Variants in SGCZ observed in about 807,000 individuals in gnomAD.
The protein encoded by SGCZ is sarcoglycan zeta, also known as zeta-sarcoglycan.
A neutral mutation model predicts 41.3 loss-of-function variants in SGCZ; 40 were observed. That is an observed-to-expected ratio of 0.97 (90% CI 0.75 to 1.26). SGCZ has a LOEUF of 1.26. Ranked by LOEUF, SGCZ falls within the 50% of genes most tolerant of loss-of-function variation. The pLI, the probability that SGCZ is intolerant of heterozygous loss-of-function variation, is 0.00. For synonymous variants in SGCZ, 206 were observed against 137.5 expected (o/e 1.50, Z -3.49); for missense variants, 552 against 369.8 (o/e 1.49, Z -4.04).
chr8:14,721,861 C>G (rs1809896961), intron 1 of SGCZ, among the ~76,000 whole-genome samples: 1 of 145,366 alleles, frequency 6.9e-6, no homozygotes, highest in African/African-American at 2.8e-5. Context: ...AACTCCTACT[C>G]TCTCTGTGCA....
chr8:14,664,918 T>A (rs866572971), intron 1 of SGCZ, among the ~76,000 whole-genome samples: 1 of 152,198 alleles, frequency 6.6e-6, no homozygotes, highest in African/African-American at 2.4e-5. Context: ...CCAGGTCACC[T>A]CATTTTAGAT....
At position 14,818,073 on chromosome 8, in the gene SGCZ, T is replaced by A. The variant is rs560354387; in HGVS notation, c.40-263147A>T. Among the ~76,000 whole-genome samples, 15 of 152,262 alleles carry A rather than the reference T, an allele frequency of 9.9e-5. No individual in the cohort carries two copies. The East Asian group carries it at 2.7e-3, about 28-fold the overall frequency. On this transcript the variant is annotated intron_variant, in intron 1 of 7. Coordinates refer to ENST00000382080, the MANE Select transcript of SGCZ (RefSeq NM_139167.4). ...GCCATGAAGCCATCCGGCCCTTCTGTGCCCAGCCCACCCACACTGGGCAGA... is the reference window on the plus strand; with the variant it reads ...GCCATGAAGCCATCCGGCCCTTCTGAGCCCAGCCCACCCACACTGGGCAGA...
chr8:14,922,322 T>C (rs1042315488), intron 1 of SGCZ, among the ~76,000 whole-genome samples: 1 of 152,194 alleles, frequency 6.6e-6, no homozygotes, highest in Non-Finnish European at 1.5e-5. Context: ...CTTTCAGTAA[T>C]ACTGCTTTCA....
At chr8:14,297,593 G>T (rs1025117175) in intron 3 of SGCZ, among the ~76,000 whole-genome samples, 7 of 151,814 alleles carry the variant, frequency 4.6e-5, no homozygotes, top group African/African-American at 1.7e-4. Context: ...GCACATTAAA[G>T]AAATAATAGG....
chr8:14,160,975 T>C (rs537022533), intron 5 of SGCZ, among the ~76,000 whole-genome samples: 349 of 152,346 alleles, frequency 2.3e-3, no homozygotes, highest in Non-Finnish European at 4.3e-3. Flanking sequence ...TCCATTTTAA[T>C]TCCTATAAAT....
At chr8:15,126,533 G>C (rs548301600) in intron 1 of SGCZ, among the ~76,000 whole-genome samples, 1 of 152,250 alleles carries the variant, frequency 6.6e-6, no homozygotes, top group Admixed American at 6.5e-5. Flanking sequence ...GAGTAGACAG[G>C]AACAGGAACA....
chr8:15,216,742 G>C (rs945577752), intron 1 of SGCZ, among the ~76,000 whole-genome samples: 3 of 152,054 alleles, frequency 2.0e-5, no homozygotes, highest in Non-Finnish European at 2.9e-5. Flanking sequence ...ATTAAATTTG[G>C]TCATAGTAGC....
At chr8:14,722,478 G>A (rs1809917666) in intron 1 of SGCZ, among the ~76,000 whole-genome samples, 2 of 151,874 alleles carry the variant, frequency 1.3e-5, no homozygotes, top group South Asian at 4.2e-4. Flanking sequence ...AATATTGCAG[G>A]AATTTTCTTA....
At chr8:14,430,026 A>G (rs1799897712) in intron 2 of SGCZ, among the ~76,000 whole-genome samples, 1 of 151,750 alleles carries the variant, frequency 6.6e-6, no homozygotes, top group Non-Finnish European at 1.5e-5. Context: ...TTTCTAATTG[A>G]GCTTATTTAG....
At chr8:14,094,613 TATAGTA>T (rs1045772088) in intron 7 of SGCZ, among the ~76,000 whole-genome samples, 1 of 152,184 alleles carries the variant, frequency 6.6e-6, no homozygotes, top group African/African-American at 2.4e-5. Context: ...CATGTATCTT[TATAGTA>T]GAATGATTTA....
chr8:14,235,497 T>A (rs1005034885), intron 4 of SGCZ, among the ~76,000 whole-genome samples: 2 of 152,320 alleles, frequency 1.3e-5, no homozygotes, highest in Non-Finnish European at 2.9e-5. Context: ...CAATATAACA[T>A]TAAAATCAGT....
intron 1 of SGCZ, among the ~76,000 whole-genome samples, chr8:15,080,407 C>A (rs947830728): frequency 1.3e-5 from 2 of 152,008 alleles, no homozygotes; most frequent in Non-Finnish European, 2.9e-5. Context: ...GAGCATCCTG[C>A]CCCTCTCCAA....
At chr8:14,372,487 A>G (rs1162536124) in intron 2 of SGCZ, among the ~76,000 whole-genome samples, 2 of 152,150 alleles carry the variant, frequency 1.3e-5, no homozygotes, top group African/African-American at 4.8e-5. Context: ...GAGGTGAGAA[A>G]GAAATCTCAA....
At position 14,271,679 on chromosome 8, in the gene SGCZ, G is replaced by A. The variant is rs541967379; in HGVS notation, c.337-34000C>T. On this transcript the variant is annotated intron_variant, in intron 3 of 7. Transcript: ENST00000382080. ...TTTTCTGCTGGAGATGAAACACACAGATCAACCTCCTTGACTGGGGTTTTT... is the reference window on the plus strand; with the variant it reads ...TTTTCTGCTGGAGATGAAACACACAAATCAACCTCCTTGACTGGGGTTTTT... Among the ~76,000 whole-genome samples, 38 of 152,226 alleles carry A rather than the reference G, an allele frequency of 2.5e-4. No individual in the cohort carries two copies. The East Asian group carries it at 6.4e-3, about 26-fold the overall frequency.
At chr8:14,996,058 C>T (rs1802206398) in intron 1 of SGCZ, among the ~76,000 whole-genome samples, 1 of 152,018 alleles carries the variant, frequency 6.6e-6, no homozygotes, top group South Asian at 2.1e-4. Context: ...CGCCCGCCAC[C>T]ACGCCCAGCT....
chr8:14,149,754 A>C (rs1234179843), intron 5 of SGCZ, among the ~76,000 whole-genome samples: 10 of 152,038 alleles, frequency 6.6e-5, no homozygotes, highest in Non-Finnish European at 1.5e-5. Context: ...AACTGGAGTA[A>C]TACATCACCT....
At chr8:14,317,415 G>C (rs1315595333) in intron 3 of SGCZ, among the ~76,000 whole-genome samples, 2 of 151,922 alleles carry the variant, frequency 1.3e-5, no homozygotes, top group Non-Finnish European at 2.9e-5. Context: ...TATGCTGAAT[G>C]TTAGCTATTA....
chr8:15,051,998 T>C (rs576268322), intron 1 of SGCZ, among the ~76,000 whole-genome samples: 1 of 152,242 alleles, frequency 6.6e-6, no homozygotes, highest in African/African-American at 2.4e-5. Context: ...ATTGAGAATG[T>C]TGAAGTCACA....
intron 2 of SGCZ, among the ~76,000 whole-genome samples, chr8:14,455,051 T>C (rs1800702850): frequency 6.6e-6 from 1 of 151,938 alleles, no homozygotes; most frequent in South Asian, 2.1e-4. Context: ...CTTTTAAAAA[T>C]GCATGCCAAA....
Sources: gnomAD v4.1 joint callset for allele counts (sites outside exome capture counted in the v4.1 genomes callset) on GRCh38, gnomAD v4.1.1 for gene constraint, MANE v1.5 for transcripts, NCBI Gene and HGNC (gene_info 2026-07-23, HGNC 2026-07-21) for gene names.